The following TMEM117 variants were observed in gnomAD, a reference collection of about 807,000 sequenced individuals.
TMEM117 encodes the protein transmembrane protein 117.
A neutral mutation model predicts 52.4 loss-of-function variants in TMEM117; 27 were observed. That is an observed-to-expected ratio of 0.51 (90% CI 0.38 to 0.71). TMEM117 has a LOEUF of 0.71. Among genes scored for constraint, TMEM117 ranks in the 30% least tolerant of loss-of-function variants. The probability of loss-of-function intolerance (pLI) is 0.00; values close to 1 mark genes in which losing one functional copy is unlikely to be tolerated. For synonymous variants in TMEM117, 215 were observed against 206.3 expected (o/e 1.04, Z -0.36); for missense variants, 556 against 630.5 (o/e 0.88, Z 1.26).
the TMEM117 span, among the ~76,000 whole-genome samples, chr12:43,816,853 A>T: frequency 7.9e-5 from 12 of 152,234 alleles, no homozygotes; most frequent in African/African-American, 2.9e-4. Context: ...TTTATCTGAC[A>T]TCTGATGTAT....
At chr12:43,899,310 GT>G (rs1316579844) in intron 2 of TMEM117, among the ~76,000 whole-genome samples, 1 of 152,172 alleles carries the variant, frequency 6.6e-6, no homozygotes, top group African/African-American at 2.4e-5. Context: ...GATGAGTACT[GT>G]TTATAAACCA....
intron 2 of TMEM117, among the ~76,000 whole-genome samples, chr12:43,913,200 T>C (rs1944545168): frequency 6.6e-6 from 1 of 152,174 alleles, no homozygotes; most frequent in African/African-American, 2.4e-5. Context: ...GAACTGTCTA[T>C]GGGTCCTTGG....
At chr12:44,105,514 A>G (rs111378895) in intron 3 of TMEM117, among the ~76,000 whole-genome samples, 4 of 150,656 alleles carry the variant, frequency 2.7e-5, no homozygotes, top group East Asian at 3.9e-4. Context: ...TTTGCTTTTT[A>G]GTATACCTGG....
intron 3 of TMEM117, among the ~76,000 whole-genome samples, chr12:44,017,742 T>C (rs138773856): frequency 6.6e-6 from 1 of 152,314 alleles, no homozygotes; most frequent in East Asian, 1.9e-4. Flanking sequence ...TTAGGCTTTA[T>C]AGTCTTTCAT....
chr12:43,996,119 C>T (rs1333316829), intron 3 of TMEM117, among the ~76,000 whole-genome samples: 4 of 151,848 alleles, frequency 2.6e-5, no homozygotes, highest in African/African-American at 9.7e-5. Flanking sequence ...GTAATACAAG[C>T]TTATTGAAGA....
At chr12:43,870,345 C>T (rs1286020374) in intron 2 of TMEM117, among the ~76,000 whole-genome samples, 11 of 150,494 alleles carry the variant, frequency 7.3e-5, no homozygotes, top group East Asian at 2.0e-4. Flanking sequence ...CTGCAACCTC[C>T]GCCTCCTGGG....
intron 2 of TMEM117, among the ~76,000 whole-genome samples, chr12:43,921,928 A>T (rs549576280): frequency 6.6e-6 from 1 of 152,128 alleles, no homozygotes; most frequent in Admixed American, 6.5e-5. Flanking sequence ...CTTTCTAATT[A>T]TTACCAGGTG....
At chr12:44,207,535 C>A (rs7315208) in intron 4 of TMEM117, among the ~76,000 whole-genome samples, 23 of 151,974 alleles carry the variant, frequency 1.5e-4, no homozygotes, top group African/African-American at 5.3e-4. Context: ...TATCATAGTT[C>A]AACATTAAAT....
At chr12:44,023,487 T>TCACC (rs1409183408) in intron 3 of TMEM117, among the ~76,000 whole-genome samples, 2 of 152,090 alleles carry the variant, frequency 1.3e-5, no homozygotes, top group African/African-American at 4.8e-5. Flanking sequence ...CCAGCACCTG[T>TCACC]TGTTTCCTGA....
intron 4 of TMEM117, among the ~76,000 whole-genome samples, chr12:44,158,125 C>A (rs1948851501): frequency 6.6e-6 from 1 of 152,002 alleles, no homozygotes; most frequent in South Asian, 2.1e-4. Context: ...GAGTTTGGGC[C>A]AGATATGTAA....
At chr12:44,304,012 A>G (rs1471153448) in intron 6 of TMEM117, among the ~76,000 whole-genome samples, 1 of 152,238 alleles carries the variant, frequency 6.6e-6, no homozygotes, top group Non-Finnish European at 1.5e-5. Context: ...AACAATTCAT[A>G]TAAGAAAGCA....
chr12:44,016,399 C>T (rs1289024990), intron 3 of TMEM117, among the ~76,000 whole-genome samples: 12 of 152,206 alleles, frequency 7.9e-5, no homozygotes, highest in Admixed American at 7.2e-4. Flanking sequence ...ACGGGACCAT[C>T]CCTATGGCCA....
chr12:43,820,924 T>C, the TMEM117 span, among the ~76,000 whole-genome samples: 1 of 151,328 alleles, frequency 6.6e-6, no homozygotes, highest in Admixed American at 6.6e-5. Flanking sequence ...TGAAACCCCG[T>C]CTCTACTAAA....
At chr12:43,843,023 A>G (rs1037697011) in intron 1 of TMEM117, among the ~76,000 whole-genome samples, 1 of 152,144 alleles carries the variant, frequency 6.6e-6, no homozygotes, top group African/African-American at 2.4e-5. Flanking sequence ...GTCAGCCCCA[A>G]TTTCCACCCT....
chr12:44,074,377 G>T (rs1483175841), intron 3 of TMEM117, among the ~76,000 whole-genome samples: 1 of 152,066 alleles, frequency 6.6e-6, no homozygotes, highest in Admixed American at 6.6e-5. Context: ...CTTCTCATTA[G>T]TCTTTTATTA....
In TMEM117 at chr12:44,266,893, G is replaced by A. The variant is rs1950384789; in HGVS notation, c.609-32687G>A. 2.0e-5 allele frequency among the ~76,000 whole-genome samples: 3 copies of A among 152,140 alleles called. No homozygotes were observed. In the South Asian group the frequency reaches 6.2e-4, roughly 32 times the overall value. ...ATTCTTTTCCCCATTGTATAGTGTTGGCAGCCTTGTCAGAAATCAATTGAC... is the reference window on the plus strand; with the variant it reads ...ATTCTTTTCCCCATTGTATAGTGTTAGCAGCCTTGTCAGAAATCAATTGAC... On this transcript the variant is annotated intron_variant, in intron 5 of 7. Transcript: ENST00000266534.
At chr12:43,873,511 A>C in intron 2 of TMEM117, among the ~76,000 whole-genome samples, 1 of 152,144 alleles carries the variant, frequency 6.6e-6, no homozygotes, top group Non-Finnish European at 1.5e-5. Context: ...AATGCAATAA[A>C]ACACATTTAG....
At chr12:44,223,909 C>G (rs1949824368) in intron 5 of TMEM117, among the ~76,000 whole-genome samples, 1 of 152,170 alleles carries the variant, frequency 6.6e-6, no homozygotes, top group Non-Finnish European at 1.5e-5. Context: ...ATTGGCTTGG[C>G]CCTTCCAGAA....
At chr12:44,333,850 G>A (rs1951304984) in intron 6 of TMEM117, among the ~76,000 whole-genome samples, 2 of 152,118 alleles carry the variant, frequency 1.3e-5, no homozygotes, top group East Asian at 3.9e-4. Context: ...GGTCTGGGGA[G>A]CCTGGTTAGA....
Sources: gnomAD v4.1 joint callset for allele counts (sites outside exome capture counted in the v4.1 genomes callset) on GRCh38, gnomAD v4.1.1 for gene constraint, MANE v1.5 for transcripts, NCBI Gene and HGNC (gene_info 2026-07-23, HGNC 2026-07-21) for gene names.